Variants in IMMP2L observed in about 807,000 individuals in gnomAD.
IMMP2L encodes mitochondrial inner membrane protease subunit 2.
In IMMP2L, 18 loss-of-function variants were observed where a neutral mutation model predicts 19.3. That is an observed-to-expected ratio of 0.93 (90% CI 0.64 to 1.38). IMMP2L has a LOEUF of 1.38. Ranked by LOEUF, IMMP2L falls within the 40% of genes most tolerant of loss-of-function variation. The pLI, the probability that IMMP2L is intolerant of heterozygous loss-of-function variation, is 0.00. For synonymous variants in IMMP2L, 76 were observed against 73.0 expected (o/e 1.04, Z -0.21); for missense variants, 233 against 218.2 (o/e 1.07, Z -0.43).
chr7:111,378,979 C>A lies in IMMP2L; in HGVS notation c.239+108259G>T, dbSNP rs192591159. 2.6e-3 allele frequency among the ~76,000 whole-genome samples: 392 copies of A among 151,796 alleles called. 3 individuals carry two copies. Among genetic ancestry groups the A allele is most frequent in the Non-Finnish European group, 4.1e-3 (277 of 67,786 alleles). ...CAAGATAATTTGAAACATATAATAA[C>A]CATGTTGTTACACAGTAGACCTTCC... On this transcript the variant is annotated intron_variant, in intron 3 of 5. Coordinates refer to ENST00000405709, the MANE Select transcript of IMMP2L (RefSeq NM_032549.4).
chr7:111,485,882 C>T (rs532777666), intron 3 of IMMP2L, among the ~76,000 whole-genome samples: 3 of 151,454 alleles, frequency 2.0e-5, no homozygotes, highest in Admixed American at 6.6e-5. Context: ...ATGTTTCTCA[C>T]GGGAAAAAAA....
At chr7:111,381,958 G>T (rs751432582) in intron 3 of IMMP2L, among the ~76,000 whole-genome samples, 1 of 151,938 alleles carries the variant, frequency 6.6e-6, no homozygotes, top group Non-Finnish European at 1.5e-5. Context: ...ATCATCAAAT[G>T]TATCAAGTAT....
intron 3 of IMMP2L, among the ~76,000 whole-genome samples, chr7:111,337,091 A>T (rs1216204816): frequency 1.3e-5 from 2 of 152,126 alleles, no homozygotes; most frequent in African/African-American, 4.8e-5. Context: ...GGCCTTCAGA[A>T]ATTCTGCAAA....
chr7:111,307,438 A>C (rs1370966402), intron 3 of IMMP2L, among the ~76,000 whole-genome samples: 1 of 151,838 alleles, frequency 6.6e-6, no homozygotes, highest in Non-Finnish European at 1.5e-5. Context: ...GCTTATGTGT[A>C]CCATATTCTG....
intron 3 of IMMP2L, among the ~76,000 whole-genome samples, chr7:111,025,336 A>T (rs1826698515): frequency 6.6e-6 from 1 of 152,190 alleles, no homozygotes; most frequent in Non-Finnish European, 1.5e-5. Context: ...AAAAAGTTTA[A>T]TCTTGGTAAA....
At chr7:110,815,912 A>G (rs1289049125) in intron 5 of IMMP2L, among the ~76,000 whole-genome samples, 3 of 152,070 alleles carry the variant, frequency 2.0e-5, no homozygotes, top group African/African-American at 7.2e-5. Context: ...CTTTTCAAAA[A>G]ACCAGCTCCT....
chr7:111,158,303 T>C (rs755901549), intron 3 of IMMP2L, among the ~76,000 whole-genome samples: 37 of 152,026 alleles, frequency 2.4e-4, no homozygotes, highest in Non-Finnish European at 4.3e-4. Context: ...GATACACATA[T>C]AGAGAGAATC....
chr7:111,187,541 T>A (rs1808405450), intron 3 of IMMP2L, among the ~76,000 whole-genome samples: 2 of 152,152 alleles, frequency 1.3e-5, no homozygotes, highest in Non-Finnish European at 2.9e-5. Flanking sequence ...ACTCATAGTA[T>A]GGAGCCTGTT....
At chr7:110,831,531 A>G (rs1332204383) in intron 5 of IMMP2L, among the ~76,000 whole-genome samples, 2 of 152,184 alleles carry the variant, frequency 1.3e-5, no homozygotes, top group Non-Finnish European at 2.9e-5. Context: ...GTATCTTGTT[A>G]TAGCCCCTAA....
At chr7:111,481,682 G>A (rs2132213581) in intron 3 of IMMP2L, among the ~76,000 whole-genome samples, 1 of 151,780 alleles carries the variant, frequency 6.6e-6, no homozygotes, top group African/African-American at 2.4e-5. Flanking sequence ...ACCAACACCA[G>A]GTGTTTATTA....
chr7:110,693,765 A>G (rs1793674290), intron 5 of IMMP2L, among the ~76,000 whole-genome samples: 2 of 152,224 alleles, frequency 1.3e-5, no homozygotes, highest in East Asian at 1.9e-4. Flanking sequence ...GATGTAGGGA[A>G]GAACCTCACA....
intron 3 of IMMP2L, among the ~76,000 whole-genome samples, chr7:111,200,563 A>G (rs2129615252): frequency 6.6e-6 from 1 of 152,038 alleles, no homozygotes; most frequent in Admixed American, 6.6e-5. Flanking sequence ...AAAATTGAGG[A>G]AGGTATTATT....
At chr7:111,351,680 A>G (rs1828176967) in intron 3 of IMMP2L, among the ~76,000 whole-genome samples, 1 of 152,144 alleles carries the variant, frequency 6.6e-6, no homozygotes, top group South Asian at 2.1e-4. Flanking sequence ...CTATAATGTG[A>G]TTCCAAAAAC....
chr7:111,178,116 CT>C (rs1807282026), intron 3 of IMMP2L, among the ~76,000 whole-genome samples: 1 of 151,914 alleles, frequency 6.6e-6, no homozygotes, highest in South Asian at 2.1e-4. Flanking sequence ...ACAGGCGTAC[CT>C]TGGAGATATT....
intron 3 of IMMP2L, among the ~76,000 whole-genome samples, chr7:110,964,731 G>A (rs144551890): frequency 6.6e-6 from 1 of 152,074 alleles, no homozygotes; most frequent in Non-Finnish European, 1.5e-5. Context: ...TTATAAAACA[G>A]ACTTACAGGC....
In IMMP2L at chr7:111,129,990, T is replaced by C. The variant is rs144505830; in HGVS notation, c.240-166425A>G. On this transcript the variant is annotated intron_variant, in intron 3 of 5. Coordinates refer to ENST00000405709, the MANE Select transcript of IMMP2L (RefSeq NM_032549.4). ...ATTTACAATATACACAGAAGGCTCA[T>C]GAATTGAGTAGTATGCATTTAGTAT... is the stretch of plus-strand genomic sequence containing the variant. 8.2e-4 allele frequency among the ~76,000 whole-genome samples: 125 copies of C among 152,280 alleles called. 1 individual carries two copies. In the East Asian group the frequency reaches 0.016, roughly 19 times the overall value.
chr7:111,230,121 T>G (rs910888542), intron 3 of IMMP2L, among the ~76,000 whole-genome samples: 8 of 151,990 alleles, frequency 5.3e-5, no homozygotes, highest in African/African-American at 1.9e-4. Context: ...GTTGCTGGGG[T>G]GACAGGGTCT....
chr7:111,515,456 CCCATGTGG>C (rs1845797423), intron 2 of IMMP2L, among the ~76,000 whole-genome samples: 1 of 152,018 alleles, frequency 6.6e-6, no homozygotes, highest in Non-Finnish European at 1.5e-5. Flanking sequence ...TCTTCTGATC[CCCATGTGG>C]CCATTGAAAC....
intron 5 of IMMP2L, among the ~76,000 whole-genome samples, chr7:110,854,432 G>A (rs1806542404): frequency 6.6e-6 from 1 of 151,626 alleles, no homozygotes; most frequent in Non-Finnish European, 1.5e-5. Flanking sequence ...TAAAATTCTG[G>A]TCTTTTAAAG....
Sources: gnomAD v4.1 joint callset for allele counts (sites outside exome capture counted in the v4.1 genomes callset) on GRCh38, gnomAD v4.1.1 for gene constraint, MANE v1.5 for transcripts, NCBI Gene and HGNC (gene_info 2026-07-23, HGNC 2026-07-21) for gene names.